Variants in BNIPL observed in about 807,000 individuals in gnomAD.
BNIPL encodes bcl-2/adenovirus E1B 19 kDa-interacting protein 2-like protein.
In BNIPL, 33 loss-of-function variants were observed where a neutral mutation model predicts 47.0. That is an observed-to-expected ratio of 0.70 (90% CI 0.53 to 0.94). The LOEUF is 0.94. Ranked by LOEUF, BNIPL falls within the 40% of genes least tolerant of loss-of-function variation. The pLI is 0.00. For missense variants in BNIPL, 404 were observed against 445.2 expected, an observed-to-expected ratio of 0.91 and a Z score of 0.83; for synonymous variants, 145 against 162.7, an observed-to-expected ratio of 0.89 and a Z score of 0.83.
rs200082390 is a variant in BNIPL at position 151,043,051 on chromosome 1, C to T, written c.529C>T (p.His177Tyr). 1 of 1,611,554 alleles carries T rather than the reference C, an allele frequency of 6.2e-7. No homozygotes were observed. Among genetic ancestry groups the T allele is most frequent in the African/African-American group, 1.3e-5 (1 of 74,732 alleles). ...GGATGTGACTGGAGAAGATGGACAT[C>T]ACTGGAGGGTGTTCCGAATGGGACC... is the stretch of plus-strand genomic sequence containing the variant. ...MWDVTGEDGHHWRVFRMGPRE... is the reference protein window; with the variant it reads ...MWDVTGEDGHYWRVFRMGPRE... The change falls in exon 5 of 10, where the codon CAC becomes TAC. Residue 177 changes from histidine to tyrosine, a missense_variant. Transcript: ENST00000368931.
chr1:151,044,596 C>T (rs1675941656), intron 7 of BNIPL, among the ~76,000 whole-genome samples: 1 of 152,182 alleles, frequency 6.6e-6, no homozygotes, highest in East Asian at 1.9e-4. Flanking sequence ...GCATGCGCCA[C>T]CACCATGCCT....
At chr1:151,036,912 T>A in intron 1 of BNIPL, 146 bp downstream of exon 1, 2 of 740,100 alleles carry the variant, frequency 2.7e-6, no homozygotes, top group Non-Finnish European at 4.7e-6. Flanking sequence ...GAGATGAGGG[T>A]GGTTTTAGGT....
chr1:151,045,246 G>A (rs1204107801), intron 7 of BNIPL, among the ~76,000 whole-genome samples: 6 of 118,578 alleles, frequency 5.1e-5, no homozygotes, highest in Non-Finnish European at 5.0e-5. Flanking sequence ...CCAGCCTGGC[G>A]ACAGAGTGAG....
At position 151,043,358 on chromosome 1, in the gene BNIPL, G is replaced by C. The variant is rs1558101878; in HGVS notation, c.643G>C (p.Val215Leu). 3.1e-6 allele frequency: 5 copies of C among 1,611,106 alleles called. No individual in the cohort carries two copies. Among genetic ancestry groups the C allele is most frequent in the Non-Finnish European group, 3.4e-6 (4 of 1,177,242 alleles). The change falls in exon 6 of 10, where the codon GTC becomes CTC. Residue 215 changes from valine (V) to leucine (L), a missense_variant. Val to Leu is a conservative substitution (Grantham distance 32, BLOSUM62 1). Coordinates refer to ENST00000368931, the MANE Select transcript of BNIPL (RefSeq NM_138278.4). Reference sequence around the variant, plus strand: ...TTACCACGGTGATGGCCTCAATGCTGTCATCCTTTTTGCTTCCTGTTATCT... The same window carrying C: ...TTACCACGGTGATGGCCTCAATGCTCTCATCCTTTTTGCTTCCTGTTATCT... ...GGYHGDGLNA[V>L]ILFASCYLPR...
rs145904381 is a variant in BNIPL, at chr1:151,045,515, T to C, written c.852-282T>C. The stretch of plus-strand genomic sequence containing the variant: ...CAGAGCTTACAGGGAGCTGAGATAG[T>C]GCCACTACACTCCAGCCCAGGCGAC... On this transcript the variant is annotated intron_variant, in intron 7 of 9. Transcript: ENST00000368931. The C allele has an allele frequency of 8.4e-3, 2,603 of 311,602 alleles. 21 individuals are homozygous for C. The highest frequency in any genetic ancestry group is 0.011 in the Non-Finnish European group (1,938 of 184,226). 19.3% of individuals were successfully genotyped at this position (311,602 alleles called of 1,614,324 possible).
chr1:151,039,124 G>A, intron 4 of BNIPL, 98 bp downstream of exon 4: 2 of 1,347,982 alleles, frequency 1.5e-6, no homozygotes, highest in Non-Finnish European at 1.9e-6. Flanking sequence ...CTAATAAGGT[G>A]GGACCAAGGG....
chr1:151,044,880 A>G (rs1322994301), intron 7 of BNIPL: 2 of 1,287,494 alleles, frequency 1.6e-6, no homozygotes, highest in South Asian at 2.5e-5. Context: ...TTCCACCTAG[A>G]GTTTTATAAG....
rs1452474837 is a variant in BNIPL at position 151,038,793 on chromosome 1, C to T, written c.203-3C>T. On this transcript the variant is annotated splice_polypyrimidine_tract_variant and splice_region_variant and intron_variant, in intron 3 of 9. Transcript: ENST00000368931. ...TTGGTTCTCTTTTTCCCCCTTTCTCCAGCTGCAGGTACCCCCAGCACTTTA... is the reference window on the plus strand; with the variant it reads ...TTGGTTCTCTTTTTCCCCCTTTCTCTAGCTGCAGGTACCCCCAGCACTTTA... 6.4e-7 allele frequency: 1 copy of T among 1,570,028 alleles called. No individual in the cohort carries two copies. The highest frequency in any genetic ancestry group is 1.4e-5 in the African/African-American group (1 of 73,308).
intron 4 of BNIPL, among the ~76,000 whole-genome samples, chr1:151,040,923 G>C (rs970502385): frequency 6.6e-6 from 1 of 152,064 alleles, no homozygotes; most frequent in Non-Finnish European, 1.5e-5. Context: ...GCTCATTCCT[G>C]TAATCCCAAC....
intron 5 of BNIPL, 89 bp downstream of exon 5, chr1:151,043,227 A>G: frequency 6.5e-7 from 1 of 1,530,334 alleles, no homozygotes; most frequent in Non-Finnish European, 9.0e-7. Flanking sequence ...TCCAAAATCT[A>G]TCCTGGAACT....
chr1:151,044,190 G>T (rs919807312), intron 7 of BNIPL, among the ~76,000 whole-genome samples: 4 of 152,076 alleles, frequency 2.6e-5, no homozygotes, highest in Non-Finnish European at 5.9e-5. Context: ...TCACCATTTT[G>T]CCCAGGCTGG....
chr1:151,043,229 C>A, intron 5 of BNIPL, 91 bp downstream of exon 5: 1 of 1,524,500 alleles, frequency 6.6e-7, no homozygotes, highest in South Asian at 1.1e-5. Flanking sequence ...CAAAATCTAT[C>A]CTGGAACTTC....
At chr1:151,045,403 C>CA (rs1675981227) in intron 7 of BNIPL, among the ~76,000 whole-genome samples, 1 of 147,136 alleles carries the variant, frequency 6.8e-6, no homozygotes, top group South Asian at 2.2e-4. Flanking sequence ...ACTAAAAATA[C>CA]AAAAAATTAG....
rs764878348 is a variant in BNIPL at position 151,038,915 on chromosome 1, A to C, written c.322A>C (p.Thr108Pro). 1 of 1,613,662 alleles carries C rather than the reference A, an allele frequency of 6.2e-7. No homozygotes were observed. The highest frequency in any genetic ancestry group is 1.3e-5 in the African/African-American group (1 of 74,850). ...KGPGNDGASPTQSAPSSPDGS... is the reference protein window; with the variant it reads ...KGPGNDGASPPQSAPSSPDGS... ...GCCTGGAAATGATGGAGCTTCACCCACCCAGTCTGCACCTTCCTCTCCTGA... is the reference window on the plus strand; with the variant it reads ...GCCTGGAAATGATGGAGCTTCACCCCCCCAGTCTGCACCTTCCTCTCCTGA... The change falls in exon 4 of 10, where the codon ACC (threonine) becomes CCC (proline). Residue 108 changes from threonine (T) to proline (P), a missense_variant. Physicochemically the swap from Thr to Pro is conservative, Grantham distance 38. Coordinates refer to ENST00000368931, the MANE Select transcript of BNIPL (RefSeq NM_138278.4).
intron 7 of BNIPL, 132 bp from the exon 8 acceptor site, chr1:151,045,665 A>G: frequency 1.4e-6 from 2 of 1,476,900 alleles, no homozygotes; most frequent in Non-Finnish European, 1.8e-6. Flanking sequence ...AATGGGGATT[A>G]GACCCAAGTA....
chr1:151,038,423 G>A, intron 2 of BNIPL, 81 bp from the exon 3 acceptor site: 3 of 1,015,132 alleles, frequency 3.0e-6, no homozygotes, highest in Non-Finnish European at 4.6e-6. Context: ...ATCATGGTGG[G>A]GAGAGAGAAC....
intron 1 of BNIPL, chr1:151,037,345 T>C: frequency 2.5e-5 from 32 of 1,259,766 alleles, no homozygotes; most frequent in Non-Finnish European, 3.1e-5. Flanking sequence ...GTAAATATGA[T>C]TAACTTTACA....
In BNIPL at chr1:151,038,884, T is replaced by G; in HGVS notation, c.291T>G (p.Thr97=). 1.2e-6 allele frequency: 2 copies of G among 1,614,100 alleles called. No individual in the cohort carries two copies. Among genetic ancestry groups the G allele is most frequent in the African/African-American group, 2.7e-5 (2 of 75,038 alleles). ...LSAPELRLSL[T]KGPGNDGASP... ...CCCCAGAGTTGCGGCTGAGTCTGACTAAGGGGCCTGGAAATGATGGAGCTT... is the reference window on the plus strand; with the variant it reads ...CCCCAGAGTTGCGGCTGAGTCTGACGAAGGGGCCTGGAAATGATGGAGCTT... Residue 97 remains threonine (T), a synonymous_variant, in exon 4 of 10, where the codon ACT becomes ACG. Coordinates refer to ENST00000368931, the MANE Select transcript of BNIPL (RefSeq NM_138278.4).
intron 4 of BNIPL, among the ~76,000 whole-genome samples, chr1:151,041,193 A>T (rs1247682420): frequency 6.6e-6 from 1 of 152,056 alleles, no homozygotes; most frequent in Non-Finnish European, 1.5e-5. Flanking sequence ...TCAAAAAAAA[A>T]GGTAGAGAAG....
Sources: gnomAD v4.1 joint callset for allele counts (sites outside exome capture counted in the v4.1 genomes callset) on GRCh38, gnomAD v4.1.1 for gene constraint, MANE v1.5 for transcripts, NCBI Gene and HGNC (gene_info 2026-07-23, HGNC 2026-07-21) for gene names.